Variants in ANKRD30B observed in about 807,000 individuals in gnomAD.
The protein encoded by ANKRD30B is ankyrin repeat domain 30B, also known as ankyrin repeat domain-containing protein 30B.
Under a neutral mutation model 202.2 loss-of-function variants are expected in ANKRD30B, and 144 were observed. The ratio of observed to expected loss-of-function variants is 0.71; its 90% CI spans 0.62 to 0.82. The LOEUF is 0.82. ANKRD30B is among the 40% of genes least tolerant of loss of function. The probability of loss-of-function intolerance (pLI) is 0.00; values close to 1 mark genes in which losing one functional copy is unlikely to be tolerated. For synonymous variants in ANKRD30B, 508 were observed against 561.3 expected (o/e 0.91, Z 1.34); for missense variants, 1,487 against 1,669.1 (o/e 0.89, Z 1.90).
chr18:14,888,490 C>G, the ANKRD30B span, among the ~76,000 whole-genome samples: 22 of 151,938 alleles, frequency 1.4e-4, no homozygotes, highest in African/African-American at 4.8e-4. Flanking sequence ...CCTTTAGTTA[C>G]TAAATCTGAT....
chr18:14,906,792 T>A, the ANKRD30B span, among the ~76,000 whole-genome samples: 7 of 151,816 alleles, frequency 4.6e-5, no homozygotes, highest in Admixed American at 4.6e-4. Context: ...TGAGAACGTG[T>A]GCTCAAGGTG....
At chr18:14,795,987 A>G (rs1401372907) in intron 16 of ANKRD30B, among the ~76,000 whole-genome samples, 1 of 151,652 alleles carries the variant, frequency 6.6e-6, no homozygotes, top group Non-Finnish European at 1.5e-5. Context: ...ATATATTTTG[A>G]TTGTTAAAAT....
At chr18:14,817,930 T>C (rs1027596157) in intron 30 of ANKRD30B, among the ~76,000 whole-genome samples, 1 of 152,182 alleles carries the variant, frequency 6.6e-6, no homozygotes, top group Admixed American at 6.5e-5. Context: ...TGCTTGGACA[T>C]AAATTTTTTG....
At position 14,850,291 on chromosome 18, in the gene ANKRD30B, T is replaced by A; in HGVS notation, c.3473T>A (p.Leu1158His). 6.3e-7 allele frequency: 1 copy of A among 1,591,794 alleles called. No individual in the cohort carries two copies. The highest frequency in any genetic ancestry group is 8.5e-7 in the Non-Finnish European group (1 of 1,170,270). The change falls in exon 41 of 44, where the codon CTT becomes CAT. Residue 1158 changes from leucine (L) to histidine (H), a missense_variant. Leu to His is a moderately conservative substitution (Grantham distance 99). Transcript: ENST00000690538. ...GAAAAAATTAGACCCGAAGAGCAAC[T>A]TAGGAAAAAGTTAGAAGTGAAACAA... Reference protein sequence around the residue: ...LKEKIRPEEQLRKKLEVKQQL... With the variant: ...LKEKIRPEEQHRKKLEVKQQL...
At chr18:14,909,422 T>C in the ANKRD30B span, among the ~76,000 whole-genome samples, 1 of 152,172 alleles carries the variant, frequency 6.6e-6, no homozygotes, top group South Asian at 2.1e-4. Context: ...TTTGTTGTTG[T>C]TGTTAGACAG....
intron 11 of ANKRD30B, among the ~76,000 whole-genome samples, chr18:14,781,804 A>AGT (rs1316210748): frequency 6.6e-6 from 1 of 152,222 alleles, no homozygotes; most frequent in Non-Finnish European, 1.5e-5. Context: ...CTGATCAGCT[A>AGT]GTCAGACTCG....
Position 14,760,601 on chromosome 18 carries a change from C to T in ANKRD30B, c.803C>T (p.Pro268Leu). The T allele has an allele frequency of 1.3e-6, 2 of 1,534,984 alleles. No homozygotes were observed. The highest frequency in any genetic ancestry group is 1.8e-6 in the Non-Finnish European group (2 of 1,137,466). The change falls in exon 6 of 44, where the codon CCT (proline) becomes CTT (leucine). Residue 268 changes from proline (P) to leucine (L), a missense_variant. Around this residue, in one of 6 missense-constraint regions of ANKRD30B, gnomAD observed 889 missense variants for 841.4 expected, o/e 1.06. Transcript: ENST00000690538. ...LEHIRKLPKN[P>L]QNTNPEGTST... ...CATATACGAAAATTACCTAAAAATC[C>T]TCAAAATACCAATCCAGGTAAGACT... is the stretch of plus-strand genomic sequence containing the variant.
the ANKRD30B span, among the ~76,000 whole-genome samples, chr18:14,878,990 T>C: frequency 4.6e-5 from 7 of 152,146 alleles, no homozygotes; most frequent in Non-Finnish European, 1.0e-4. Context: ...GGCAGAGCAG[T>C]GTTCTCCTCA....
At chr18:14,785,002 GTGTGTT>G (rs1273384550) in intron 14 of ANKRD30B, among the ~76,000 whole-genome samples, 1 of 152,072 alleles carries the variant, frequency 6.6e-6, no homozygotes, top group Non-Finnish European at 1.5e-5. Flanking sequence ...AGTGAACTCT[GTGTGTT>G]TGTGTTTGTG....
intron 36 of ANKRD30B, among the ~76,000 whole-genome samples, chr18:14,838,113 C>A (rs1971259787): frequency 6.6e-6 from 1 of 152,248 alleles, no homozygotes; most frequent in Non-Finnish European, 1.5e-5. Context: ...TAGTGCAATT[C>A]TGCTAATTTG....
At chr18:14,809,960 A>G (rs1433198070) in intron 26 of ANKRD30B, 26 bp from the exon 27 acceptor site, 1 of 1,403,858 alleles carries the variant, frequency 7.1e-7, no homozygotes, top group Non-Finnish European at 1.0e-6. Context: ...GCATATAATC[A>G]ATTATATATG....
At chr18:14,751,078 T>G (rs1211132557) in intron 1 of ANKRD30B, among the ~76,000 whole-genome samples, 1 of 152,078 alleles carries the variant, frequency 6.6e-6, no homozygotes, top group African/African-American at 2.4e-5. Flanking sequence ...ATTTGTATAT[T>G]CTGTGAACTT....
At chr18:14,863,527 A>G in the ANKRD30B span, among the ~76,000 whole-genome samples, 1 of 152,114 alleles carries the variant, frequency 6.6e-6, no homozygotes, top group Non-Finnish European at 1.5e-5. Flanking sequence ...CTGCCTGCAC[A>G]ACTATAAACC....
intron 32 of ANKRD30B, among the ~76,000 whole-genome samples, chr18:14,827,434 T>G (rs1970713164): frequency 6.6e-6 from 1 of 152,172 alleles, no homozygotes; most frequent in Admixed American, 6.5e-5. Flanking sequence ...GAGGGAAGTC[T>G]TGTGAGACTG....
the ANKRD30B span, chr18:14,888,664 A>C: frequency 6.3e-6 from 3 of 473,988 alleles, no homozygotes; most frequent in Admixed American, 8.3e-5. Flanking sequence ...ACTTAAAGAA[A>C]TCTCCCTGCT....
At chr18:14,884,746 A>T in the ANKRD30B span, among the ~76,000 whole-genome samples, 8 of 152,240 alleles carry the variant, frequency 5.3e-5, no homozygotes, top group East Asian at 1.5e-3. Context: ...GAGAAATCAG[A>T]TGTTACTGGA....
Position 14,810,696 on chromosome 18 carries a change from T to A in ANKRD30B, c.2488+516T>A, listed in dbSNP as rs1028577966. 5.3e-4 allele frequency among the ~76,000 whole-genome samples: 80 copies of A among 151,318 alleles called. 3 individuals carry two copies. The highest frequency in any genetic ancestry group is 1.9e-3 in the African/African-American group (79 of 40,970). ...CTTGATGACTCTTTGCTAGACACACTGTTTTAGAAGTGTGACTCTAAAGCT... is the reference window on the plus strand; with the variant it reads ...CTTGATGACTCTTTGCTAGACACACAGTTTTAGAAGTGTGACTCTAAAGCT... On this transcript the variant is annotated intron_variant, in intron 28 of 43. Coordinates refer to ENST00000690538, the MANE Select transcript of ANKRD30B (RefSeq NM_001367607.2).
rs909915658 is a variant in ANKRD30B, at chr18:14,796,134, T to G, written c.1826-87T>G. 2.2e-6 allele frequency: 3 copies of G among 1,349,372 alleles called. No individual in the cohort carries two copies. In the East Asian group the frequency reaches 6.9e-5, roughly 31 times the overall value. The allele number at this position is 1,349,372 out of a possible 1,614,324, so 83.6% of individuals were successfully genotyped here. A position where few individuals can be genotyped will look rare whatever the true frequency, so the allele number is the denominator to read the frequency against. ...TCCCTTTTCAATCCAAGCATGAGGA[T>G]TCATCTTCATATTCACATTGTACGA... On this transcript the variant is annotated intron_variant, in intron 16 of 43. Coordinates refer to ENST00000690538, the MANE Select transcript of ANKRD30B (RefSeq NM_001367607.2).
chr18:14,922,463 G>T, the ANKRD30B span, among the ~76,000 whole-genome samples: 1 of 151,826 alleles, frequency 6.6e-6, no homozygotes, highest in Non-Finnish European at 1.5e-5. Context: ...AGATCATCCT[G>T]GCTAACACGG....
Sources: allele counts gnomAD v4.1 joint callset (sites outside exome capture counted in the v4.1 genomes callset), GRCh38; gene constraint gnomAD v4.1.1; regional missense constraint gnomAD v4.1.1; transcripts MANE v1.5; gene names NCBI Gene and HGNC (gene_info 2026-07-23, HGNC 2026-07-21).